The following TMIGD1 variants were observed in gnomAD, a reference collection of about 807,000 sequenced individuals.
TMIGD1 encodes the protein transmembrane and immunoglobulin domain containing 1.
In TMIGD1, 29 loss-of-function variants were observed where a neutral mutation model predicts 27.5. The observed-to-expected ratio is 1.05, with a 90% CI of 0.78 to 1.44. TMIGD1 has a LOEUF of 1.44. TMIGD1 is among the 40% of genes most tolerant of loss of function. The pLI, the probability that TMIGD1 is intolerant of heterozygous loss-of-function variation, is 0.00. For synonymous variants in TMIGD1, 109 were observed against 110.3 expected (o/e 0.99, Z 0.07); for missense variants, 334 against 310.6 (o/e 1.08, Z -0.57).
intron 6 of TMIGD1, 93 bp from the exon 7 acceptor site, chr17:30,316,783 G>T: frequency 4.2e-6 from 5 of 1,196,040 alleles, no homozygotes; most frequent in Non-Finnish European, 6.1e-6. Context: ...ACATGCCTTT[G>T]TTCTTATTAC....
Position 30,316,530 on chromosome 17 carries a change from G to T in TMIGD1, c.*157C>A, listed in dbSNP as rs776623386. On this transcript the variant is annotated 3_prime_UTR_variant, in exon 7 of 7. Coordinates refer to ENST00000328886, the MANE Select transcript of TMIGD1 (RefSeq NM_206832.3). ...CTCTTTCCATAAAAATGTTCCACAA[G>T]TGTATCAAATTAGTCCTAACAACTA... is the stretch of plus-strand genomic sequence containing the variant. 1.5e-6 allele frequency: 1 copy of T among 662,632 alleles called. No homozygotes were observed. 41.0% of individuals were successfully genotyped at this position (662,632 alleles called of 1,614,324 possible).
At chr17:30,332,244 T>G in intron 1 of TMIGD1, 86 bp from the exon 2 acceptor site, 1 of 715,454 alleles carries the variant, frequency 1.4e-6, no homozygotes, top group Non-Finnish European at 2.3e-6. Flanking sequence ...GCATTTAAAG[T>G]GAAGTCCCAG....
At chr17:30,333,669 G>A (rs1043436981) in intron 1 of TMIGD1, among the ~76,000 whole-genome samples, 13 of 152,002 alleles carry the variant, frequency 8.6e-5, no homozygotes, top group African/African-American at 1.7e-4. Context: ...CAATCTTTTC[G>A]TAAGATGCAA....
chr17:30,316,770 A>G, intron 6 of TMIGD1, 80 bp from the exon 7 acceptor site: 1 of 1,326,220 alleles, frequency 7.5e-7, no homozygotes, highest in South Asian at 1.2e-5. Flanking sequence ...ATACTCTCTG[A>G]CAACATGCCT....
chr17:30,329,131 T>A (rs1164979428), intron 3 of TMIGD1, 120 bp downstream of exon 3: 1 of 1,205,734 alleles, frequency 8.3e-7, no homozygotes, highest in African/African-American at 1.5e-5. Context: ...GGTACTCTCA[T>A]ACTTTGTGGT....
chr17:30,325,019 T>G lies in TMIGD1; in HGVS notation c.437A>C (p.Lys146Thr). 6.2e-7 allele frequency: 1 copy of G among 1,614,130 alleles called. No homozygotes were observed. Among genetic ancestry groups the G allele is most frequent in the South Asian group, 1.1e-5 (1 of 91,082 alleles). ...GSNVKLVCNV[K>T]ANPQAQMMWY... ...CATCATTTGAGCCTGGGGGTTGGCT[T>G]TCACATTGCAAACCAACTTCACATT... Residue 146 changes from lysine (K) to threonine (T), a missense_variant, in exon 4 of 7, where the codon AAA becomes ACA. By Grantham distance (78) the Lys-to-Thr change is moderately conservative. Transcript: ENST00000328886.
intron 6 of TMIGD1, chr17:30,316,971 T>C: frequency 3.2e-6 from 2 of 630,576 alleles, no homozygotes; most frequent in Non-Finnish European, 5.6e-6. Context: ...CAAACTCACT[T>C]AAAGAGGGAG....
At chr17:30,319,158 C>T (rs1371400252) in intron 4 of TMIGD1, among the ~76,000 whole-genome samples, 1 of 149,634 alleles carries the variant, frequency 6.7e-6, no homozygotes, top group Non-Finnish European at 1.5e-5. Context: ...AATCCCAGCA[C>T]TTTGGAAGGT....
intron 2 of TMIGD1, among the ~76,000 whole-genome samples, chr17:30,330,699 G>C (rs75436292): frequency 1.3e-5 from 2 of 151,926 alleles, no homozygotes; most frequent in African/African-American, 4.8e-5. Flanking sequence ...TACATACCAG[G>C]TTTTTTTTGT....
intron 3 of TMIGD1, among the ~76,000 whole-genome samples, chr17:30,325,647 T>A (rs544633170): frequency 6.6e-6 from 1 of 152,312 alleles, no homozygotes; most frequent in African/African-American, 2.4e-5. Flanking sequence ...TTTGCCACAG[T>A]GCTAGCCGCT....
At chr17:30,317,616 C>T (rs1909458416) in intron 5 of TMIGD1, among the ~76,000 whole-genome samples, 1 of 151,812 alleles carries the variant, frequency 6.6e-6, no homozygotes, top group South Asian at 2.1e-4. Context: ...AAAAAACAGC[C>T]AGGCATGGTG....
In TMIGD1 at chr17:30,316,619, T is replaced by C. The variant is rs1255568481; in HGVS notation, c.*68A>G. On this transcript the variant is annotated 3_prime_UTR_variant, in exon 7 of 7. Coordinates refer to ENST00000328886, the MANE Select transcript of TMIGD1 (RefSeq NM_206832.3). ...ATTTAATAATAGCAATAAATACAGA[T>C]GGGACTACATAAATTGTGGAGGTCC... The C allele has an allele frequency of 2.0e-6, 3 of 1,516,902 alleles. No individual in the cohort carries two copies. Among genetic ancestry groups the C allele is most frequent in the East Asian group, 2.3e-5 (1 of 44,350 alleles). 94.0% of individuals were successfully genotyped at this position (1,516,902 alleles called of 1,614,324 possible).
At chr17:30,333,805 C>T (rs1910061280) in intron 1 of TMIGD1, among the ~76,000 whole-genome samples, 195 bp downstream of exon 1, 1 of 152,190 alleles carries the variant, frequency 6.6e-6, no homozygotes, top group Non-Finnish European at 1.5e-5. Flanking sequence ...CTCTGCACTA[C>T]AAGTACTCAA....
At chr17:30,316,762 ACT>A in intron 6 of TMIGD1, 72 bp from the exon 7 acceptor site, 1 of 1,391,862 alleles carries the variant, frequency 7.2e-7, no homozygotes, top group East Asian at 2.3e-5. Context: ...CAAAACCCAT[ACT>A]CTCTGACAAC....
In TMIGD1 at chr17:30,329,501, A is replaced by G. The variant is rs1209867351; in HGVS notation, c.111T>C (p.Thr37=). Residue 37 remains threonine, a synonymous_variant, in exon 3 of 7, where the codon ACT becomes ACC. Coordinates refer to ENST00000328886, the MANE Select transcript of TMIGD1 (RefSeq NM_206832.3). ...GTGTAGTATCCAGGATATAGTTCTCAGTTTTACCATTCACAGTTAAAACAG... is the reference window on the plus strand; with the variant it reads ...GTGTAGTATCCAGGATATAGTTCTCGGTTTTACCATTCACAGTTAAAACAG... The part of the protein sequence containing the change: ...TSSVLTVNGK[T]ENYILDTTPG... 1 of 1,612,802 alleles carries G rather than the reference A, an allele frequency of 6.2e-7. No homozygotes were observed. The highest frequency in any genetic ancestry group is 8.5e-7 in the Non-Finnish European group (1 of 1,179,010).
rs199979004 is a variant in TMIGD1, at chr17:30,324,969, C to A, written c.487G>T (p.Asp163Tyr). ...ATTTGGTGACGGCTTTTCTCTAAAT[C>A]GAGGAGACTACTGTTTTTGTACCAC... The part of the protein sequence containing the change: ...MMWYKNSSLL[D>Y]LEKSRHQIQQ... The change falls in exon 4 of 7, where the codon GAT (aspartate) becomes TAT (tyrosine). Residue 163 changes from aspartate (D) to tyrosine (Y), a missense_variant. Physicochemically the swap from Asp to Tyr is radical, Grantham distance 160. Coordinates refer to ENST00000328886, the MANE Select transcript of TMIGD1 (RefSeq NM_206832.3). 1.2e-6 allele frequency: 2 copies of A among 1,614,044 alleles called. No individual in the cohort carries two copies. The highest frequency in any genetic ancestry group is 2.2e-5 in the South Asian group (2 of 91,078).
At chr17:30,326,054 T>A (rs768715668) in intron 3 of TMIGD1, among the ~76,000 whole-genome samples, 31 of 152,162 alleles carry the variant, frequency 2.0e-4, no homozygotes, top group Non-Finnish European at 4.0e-4. Flanking sequence ...GCACACTGAA[T>A]AATTAGACCC....
rs757653395 is a variant in TMIGD1 at position 30,329,338 on chromosome 17, T to C, written c.274A>G (p.Ile92Val). 7 of 1,613,974 alleles carry C rather than the reference T, an allele frequency of 4.3e-6. No individual in the cohort carries two copies. Among genetic ancestry groups the C allele is most frequent in the South Asian group, 1.1e-5 (1 of 91,070 alleles). ...INSSSVCVSS[I>V]SENDNGISFT... ...CTGATTCCGTTGTCATTTTCACTGA[T>C]GGAAGAGACACAGACAGAGCTGGAA... Residue 92 changes from isoleucine (I) to valine (V), a missense_variant, in exon 3 of 7, where the codon ATC becomes GTC. Ile to Val is a conservative substitution (Grantham distance 29). Transcript: ENST00000328886.
rs1030890057 is a variant in TMIGD1 at position 30,322,627 on chromosome 17, G to A, written c.640+2189C>T. On this transcript the variant is annotated intron_variant, in intron 4 of 6. Transcript: ENST00000328886. Reference sequence around the variant, plus strand: ...CAATTCTCCTGCCTCAGCCTCCCAGGTAGCTGGGATTACAGGTGGCTACCA... The same window carrying A: ...CAATTCTCCTGCCTCAGCCTCCCAGATAGCTGGGATTACAGGTGGCTACCA... 3.3e-5 allele frequency among the ~76,000 whole-genome samples: 5 copies of A among 152,158 alleles called. No individual in the cohort carries two copies. In the East Asian group the frequency reaches 9.6e-4, roughly 29 times the overall value.
Sources: gnomAD v4.1 joint callset for allele counts (sites outside exome capture counted in the v4.1 genomes callset) on GRCh38, gnomAD v4.1.1 for gene constraint, MANE v1.5 for transcripts, NCBI Gene and HGNC (gene_info 2026-07-23, HGNC 2026-07-21) for gene names.